DOCK11: variants seen among roughly 807,000 people sequenced by gnomAD.
DOCK11 encodes dedicator of cytokinesis protein 11.
Under a neutral mutation model 169.1 loss-of-function variants are expected in DOCK11, and 70 were observed. The observed-to-expected ratio is 0.41, with a 90% CI of 0.34 to 0.51. DOCK11 has a LOEUF of 0.51. Ranked by LOEUF, DOCK11 falls within the 20% of genes least tolerant of loss-of-function variation. The pLI is 0.10. For missense variants in DOCK11, 1,166 were observed against 1,538.8 expected, an observed-to-expected ratio of 0.76 and a Z score of 4.05; for synonymous variants, 529 against 541.3, an observed-to-expected ratio of 0.98 and a Z score of 0.32.
chrX:118,514,969 C>T (rs1212934867), intron 1 of DOCK11, among the ~76,000 whole-genome samples: 3 of 112,072 alleles, frequency 2.7e-5, no homozygotes, highest in Non-Finnish European at 3.8e-5. Context: ...GGCCAGACGT[C>T]TGAAATAAGT....
At chrX:118,531,667 C>T (rs889924789) in intron 1 of DOCK11, among the ~76,000 whole-genome samples, 3 of 108,583 alleles carry the variant, frequency 2.8e-5, no homozygotes, top group Non-Finnish European at 5.7e-5. Context: ...AAGTGATTCT[C>T]CTGCCTCAGC....
At position 118,608,318 on chromosome X, in the gene DOCK11, C is replaced by G. The variant is rs765044179; in HGVS notation, c.2839C>G (p.Gln947Glu). 3 of 1,210,605 alleles carry G rather than the reference C, an allele frequency of 2.5e-6. No homozygotes were observed. The change falls in exon 26 of 53, where the codon CAG (glutamine) becomes GAG (glutamate). Residue 947 changes from glutamine (Q) to glutamate (E), a missense_variant. Transcript: ENST00000276202. Reference protein sequence around the residue: ...LATTMIAILKQSADFLSINKL... With the variant: ...LATTMIAILKESADFLSINKL... ...TACTACGATGATAGCAATATTGAAA[C>G]AGTCTGCAGATTTTTTATCAATAAA...
intron 28 of DOCK11, among the ~76,000 whole-genome samples, chrX:118,611,973 G>C (rs993719482): frequency 1.8e-5 from 2 of 112,030 alleles, no homozygotes; most frequent in African/African-American, 6.5e-5. Flanking sequence ...TTGAACTCCT[G>C]ACTTCAAGTG....
chrX:118,626,905 C>T (rs2015118763), intron 32 of DOCK11, among the ~76,000 whole-genome samples: 1 of 112,509 alleles, frequency 8.9e-6, no homozygotes, highest in Non-Finnish European at 1.9e-5. Context: ...TAGCATTGCC[C>T]TGGTTCTAAG....
At chrX:118,527,871 A>G (rs983125443) in intron 1 of DOCK11, among the ~76,000 whole-genome samples, 1 of 112,176 alleles carries the variant, frequency 8.9e-6, no homozygotes, top group Non-Finnish European at 1.9e-5. Context: ...TAATTTTAGT[A>G]GTTTCACAGA....
At chrX:118,573,485 G>A (rs769933929) in intron 11 of DOCK11, among the ~76,000 whole-genome samples, 49 of 112,667 alleles carry the variant, frequency 4.3e-4, no homozygotes, top group Middle Eastern at 4.6e-3. Flanking sequence ...TTCAGTAAAC[G>A]TGTAGCGAAT....
intron 12 of DOCK11, among the ~76,000 whole-genome samples, chrX:118,577,404 G>A (rs2013481412): frequency 1.8e-5 from 2 of 112,400 alleles, no homozygotes; most frequent in South Asian, 7.3e-4. Context: ...TACAAGAAAT[G>A]TATGAAATCA....
chrX:118,534,686 C>T (rs1225566403), intron 1 of DOCK11, among the ~76,000 whole-genome samples: 1 of 111,967 alleles, frequency 8.9e-6, no homozygotes, highest in Non-Finnish European at 1.9e-5. Context: ...TTGTCCTTCT[C>T]TCCTTGTGTG....
Position 118,580,091 on chromosome X carries a change from C to T in DOCK11, c.1513-6C>T, listed in dbSNP as rs1387391620. ...TACAAGCCTATCTTCTTGTTTCTGA[C>T]CTTAGACGGCCCAGAAGGTGCACAG... On this transcript the variant is annotated splice_polypyrimidine_tract_variant and splice_region_variant and intron_variant, in intron 13 of 52. Coordinates refer to ENST00000276202, the MANE Select transcript of DOCK11 (RefSeq NM_144658.4). 3.3e-6 allele frequency: 4 copies of T among 1,205,097 alleles called. No homozygotes were observed. In the South Asian group the frequency reaches 5.4e-5, roughly 16 times the overall value.
chrX:118,499,754 A>G (rs762347370), intron 1 of DOCK11, among the ~76,000 whole-genome samples: 1 of 111,693 alleles, frequency 9.0e-6, no homozygotes, highest in East Asian at 2.8e-4. Flanking sequence ...GAGGCTCTCA[A>G]TGAACTGAGC....
intron 14 of DOCK11, among the ~76,000 whole-genome samples, chrX:118,582,750 G>C (rs1294807): frequency 9.1e-6 from 1 of 110,324 alleles, no homozygotes; most frequent in Non-Finnish European, 1.9e-5. Flanking sequence ...ATGCTAGTTA[G>C]AATGGCGGTC....
chrX:118,507,731 C>T (rs1375817303), intron 1 of DOCK11, among the ~76,000 whole-genome samples: 1 of 111,946 alleles, frequency 8.9e-6, no homozygotes, highest in East Asian at 2.8e-4. Flanking sequence ...CTATCTGTGG[C>T]CTCATATGTC....
chrX:118,590,147 T>C, intron 18 of DOCK11, 63 bp from the exon 19 acceptor site: 1 of 1,002,784 alleles, frequency 1.0e-6, no homozygotes, highest in South Asian at 2.0e-5. Flanking sequence ...CTATATGTGG[T>C]TCCATGGCAT....
At chrX:118,671,741 G>A (rs999283378) in intron 46 of DOCK11, among the ~76,000 whole-genome samples, 3 of 111,544 alleles carry the variant, frequency 2.7e-5, no homozygotes, top group East Asian at 2.8e-4. Context: ...GTGCAGTGGC[G>A]CAATCTTGGC....
At position 118,608,115 on chromosome X, in the gene DOCK11, G is replaced by A; in HGVS notation, c.2725G>A (p.Asp909Asn). 8.3e-7 allele frequency: 1 copy of A among 1,205,902 alleles called. No individual in the cohort carries two copies. Among genetic ancestry groups the A allele is most frequent in the South Asian group, 1.8e-5 (1 of 55,635 alleles). ...ATCAAAGTGCCATGAAGAAGGCTTG[G>A]ATAGTTATCTAAGATCATTCATAAA... Reference protein sequence around the residue: ...IVSKCHEEGLDSYLRSFIKYS... With the variant: ...IVSKCHEEGLNSYLRSFIKYS... Residue 909 changes from aspartate to asparagine, a missense_variant, in exon 25 of 53, where the codon GAT becomes AAT. Asp to Asn is a conservative substitution (Grantham distance 23). Transcript: ENST00000276202.
intron 33 of DOCK11, 141 bp from the exon 34 acceptor site, chrX:118,628,022 G>C (rs1305041815): frequency 2.5e-6 from 1 of 400,742 alleles, no homozygotes; most frequent in Non-Finnish European, 4.4e-6. Flanking sequence ...ATGGTGTTTT[G>C]ATATAATAAA....
intron 16 of DOCK11, among the ~76,000 whole-genome samples, chrX:118,585,448 C>G (rs2013788032): frequency 9.5e-6 from 1 of 104,975 alleles, no homozygotes; most frequent in South Asian, 4.6e-4. Flanking sequence ...AACTTCTCCT[C>G]TGTCATCACA....
At chrX:118,597,872 T>C (rs2014217283) in intron 21 of DOCK11, among the ~76,000 whole-genome samples, 158 bp from the exon 22 acceptor site, 1 of 112,274 alleles carries the variant, frequency 8.9e-6, no homozygotes, top group Non-Finnish European at 1.9e-5. Context: ...AAATGATTTA[T>C]GATACATTTA....
At chrX:118,657,575 A>G (rs1189573784) in intron 44 of DOCK11, among the ~76,000 whole-genome samples, 1 of 111,881 alleles carries the variant, frequency 8.9e-6, no homozygotes, top group East Asian at 2.8e-4. Context: ...GGTAGTAGTA[A>G]AAGTCCTCAG....
Sources: allele counts gnomAD v4.1 joint callset (sites outside exome capture counted in the v4.1 genomes callset), GRCh38; gene constraint gnomAD v4.1.1; transcripts MANE v1.5; gene names NCBI Gene and HGNC (gene_info 2026-07-23, HGNC 2026-07-21).